Variants in KDM4C observed in about 807,000 individuals in gnomAD.
KDM4C encodes the protein lysine-specific demethylase 4C.
KDM4C carries 81 observed loss-of-function variants against 129.3 expected under a neutral mutation model. The ratio of observed to expected loss-of-function variants is 0.63; its 90% CI spans 0.52 to 0.75. The LOEUF (loss-of-function observed/expected upper bound fraction) is 0.75. KDM4C is among the 30% of genes least tolerant of loss of function. The pLI is 0.00. For synonymous variants in KDM4C, 573 were observed against 456.1 expected (o/e 1.26, Z -3.26); for missense variants, 1,457 against 1,304.0 (o/e 1.12, Z -1.81).
chr9:7,159,638 T>C (rs1035764342), intron 19 of KDM4C, among the ~76,000 whole-genome samples: 3 of 152,192 alleles, frequency 2.0e-5, no homozygotes, highest in Non-Finnish European at 2.9e-5. Context: ...ATTCTTTTCT[T>C]TAGGAATGTT....
chr9:6,884,644 T>G (rs1844980106), intron 6 of KDM4C, among the ~76,000 whole-genome samples: 1 of 152,212 alleles, frequency 6.6e-6, no homozygotes, highest in Non-Finnish European at 1.5e-5. Context: ...CTTTCCTTCC[T>G]CCCTCCTTTG....
chr9:6,958,687 A>ATTTTTTTTTTT lies in KDM4C; in HGVS notation c.922-22233_922-22223dup, dbSNP rs377187050. Among the ~76,000 whole-genome samples, 238 of 136,308 alleles carry ATTTTTTTTTTT rather than the reference A, an allele frequency of 1.7e-3. 1 individual carries two copies. Among genetic ancestry groups the ATTTTTTTTTTT allele is most frequent in the African/African-American group, 6.6e-3 (228 of 34,614 alleles). The allele number at this position is 136,308 out of a possible 152,430, so 89.4% of individuals were successfully genotyped here. On this transcript the variant is annotated intron_variant, in intron 8 of 21. Coordinates refer to ENST00000381309, the MANE Select transcript of KDM4C (RefSeq NM_015061.6). ...AATACATTATGCCTTTCTTTATATG[A>ATTTTTTTTTTT]TTTTTTTTTTTTTTTGGGACAGGGT...
intron 8 of KDM4C, among the ~76,000 whole-genome samples, chr9:6,918,579 C>A (rs1218276566): frequency 6.6e-6 from 1 of 152,088 alleles, no homozygotes; most frequent in Non-Finnish European, 1.5e-5. Context: ...GTTTTAAGTT[C>A]TTAGAGAAAT....
At chr9:6,856,979 G>A (rs1427592538) in intron 5 of KDM4C, among the ~76,000 whole-genome samples, 1 of 152,006 alleles carries the variant, frequency 6.6e-6, no homozygotes, top group African/African-American at 2.4e-5. Context: ...GGATGGTCTC[G>A]ATCTCCTGAC....
rs1398059791 is a variant in KDM4C at position 6,776,598 on chromosome 9, C to G, written c.-17-16374C>G. On this transcript the variant is annotated intron_variant, in intron 1 of 21. Transcript: ENST00000381309. ...ATCTTCAAGGCCTGTCTCAAACCCA[C>G]TTTTTTTTTTTTTTTTTTTTTTTAA... Among the ~76,000 whole-genome samples, 3 of 106,190 alleles carry G rather than the reference C, an allele frequency of 2.8e-5. No individual in the cohort carries two copies. The South Asian group carries it at 9.3e-4, about 33-fold the overall frequency. The allele number at this position is 106,190 out of a possible 152,430, so 69.7% of individuals were successfully genotyped here.
At chr9:6,949,202 T>A (rs981912787) in intron 8 of KDM4C, among the ~76,000 whole-genome samples, 24 of 141,040 alleles carry the variant, frequency 1.7e-4, no homozygotes, top group Non-Finnish European at 2.9e-4. Flanking sequence ...GCTCCTCACT[T>A]CTCAGACGGG....
At chr9:6,898,204 T>G (rs1321503165) in intron 8 of KDM4C, among the ~76,000 whole-genome samples, 1 of 152,240 alleles carries the variant, frequency 6.6e-6, no homozygotes, top group Non-Finnish European at 1.5e-5. Flanking sequence ...CTTGACTGTT[T>G]GGAGACATTT....
At chr9:7,125,370 A>G (rs1334721680) in intron 18 of KDM4C, among the ~76,000 whole-genome samples, 1 of 152,160 alleles carries the variant, frequency 6.6e-6, no homozygotes, top group Non-Finnish European at 1.5e-5. Context: ...CTCTCACGCC[A>G]CCTGTGAGAT....
chr9:7,116,129 G>A (rs1838870321), intron 18 of KDM4C, among the ~76,000 whole-genome samples: 3 of 152,116 alleles, frequency 2.0e-5, no homozygotes, highest in Admixed American at 2.0e-4. Context: ...CCTGGCACTC[G>A]GACGCTTTTG....
chr9:7,151,610 G>A (rs1842736641), intron 19 of KDM4C, among the ~76,000 whole-genome samples: 1 of 152,206 alleles, frequency 6.6e-6, no homozygotes, highest in African/African-American at 2.4e-5. Flanking sequence ...GGGAAGCCAA[G>A]GCTGCAGTGA....
rs377750241 is a variant in KDM4C at position 6,949,019 on chromosome 9, C to T, written c.922-31906C>T. Among the ~76,000 whole-genome samples the T allele has an allele frequency of 8.2e-3, 1,242 of 152,264 alleles. 13 individuals are homozygous for T. Among genetic ancestry groups the T allele is most frequent in the African/African-American group, 0.027 (1,112 of 41,548 alleles). On this transcript the variant is annotated intron_variant, in intron 8 of 21. Coordinates refer to ENST00000381309, the MANE Select transcript of KDM4C (RefSeq NM_015061.6). ...TGGGTACACCTCCCAGACGGGGTGG[C>T]GGCCGGGCAGAGGGGCTCCTCACTT...
chr9:7,098,515 C>G (rs181383353), intron 17 of KDM4C, among the ~76,000 whole-genome samples: 11 of 152,260 alleles, frequency 7.2e-5, no homozygotes, highest in African/African-American at 2.4e-4. Flanking sequence ...ATGTTATGAC[C>G]AGTTGCCCAA....
intron 21 of KDM4C, among the ~76,000 whole-genome samples, chr9:7,172,659 C>T (rs1845080272): frequency 6.6e-6 from 1 of 152,206 alleles, no homozygotes; most frequent in Admixed American, 6.5e-5. Flanking sequence ...TGGCCTGTTA[C>T]CCTGAGTAAC....
At chr9:6,999,806 A>G (rs867312210) in intron 12 of KDM4C, among the ~76,000 whole-genome samples, 1 of 152,182 alleles carries the variant, frequency 6.6e-6, no homozygotes, top group Non-Finnish European at 1.5e-5. Flanking sequence ...CCCTGCGTAA[A>G]AAGTTCTTTT....
chr9:6,749,037 G>T, intron 1 of KDM4C: 2 of 619,706 alleles, frequency 3.2e-6, no homozygotes, highest in Non-Finnish European at 6.0e-6. Flanking sequence ...TTTTATTTTT[G>T]AAATGGAGTT....
In KDM4C at chr9:6,986,505, T is replaced by C; in HGVS notation, c.1516T>C (p.Ser506Pro). 6.2e-6 allele frequency: 10 copies of C among 1,614,138 alleles called. No homozygotes were observed. The highest frequency in any genetic ancestry group is 7.6e-6 in the Non-Finnish European group (9 of 1,180,032). The part of the protein sequence containing the change: ...KPEKSDPSEL[S>P]WPKSPESCSS... ...CGAGAAATCAGACCCATCCGAGCTTTCATGGCCAAAGTCACCTGAGTCATG... is the reference window on the plus strand; with the variant it reads ...CGAGAAATCAGACCCATCCGAGCTTCCATGGCCAAAGTCACCTGAGTCATG... Residue 506 changes from serine to proline, a missense_variant, in exon 11 of 22, where the codon TCA (serine) becomes CCA (proline). Physicochemically the swap from Ser to Pro is moderately conservative, Grantham distance 74. Transcript: ENST00000381309.
chr9:6,974,103 A>T (rs1226792017), intron 8 of KDM4C, among the ~76,000 whole-genome samples: 1 of 152,194 alleles, frequency 6.6e-6, no homozygotes, highest in Non-Finnish European at 1.5e-5. Context: ...TCCTTGTGAC[A>T]TCCAACAAGT....
intron 8 of KDM4C, among the ~76,000 whole-genome samples, chr9:6,949,012 G>A (rs1245570970): frequency 2.0e-5 from 3 of 152,318 alleles, no homozygotes; most frequent in East Asian, 1.9e-4. Flanking sequence ...CCTCCCAGAC[G>A]GGGTGGCGGC....
chr9:6,835,673 GTTTTGTTTTTGTTTTTGT>G, intron 4 of KDM4C: 1 of 728,200 alleles, frequency 1.4e-6, no homozygotes. Context: ...TTTTTGTTTT[GTTTTGTTTTTGTTTTTGT>G]TTTTGTTTTG....
Sources: allele counts gnomAD v4.1 joint callset (sites outside exome capture counted in the v4.1 genomes callset), GRCh38; gene constraint gnomAD v4.1.1; transcripts MANE v1.5; gene names NCBI Gene and HGNC (gene_info 2026-07-23, HGNC 2026-07-21).